Variants in TMEM14B observed in about 807,000 individuals in gnomAD.
TMEM14B encodes transmembrane protein 14B.
In TMEM14B, 9 loss-of-function variants were observed where a neutral mutation model predicts 14.8. The observed-to-expected ratio is 0.61, with a 90% CI of 0.37 to 1.06. The LOEUF is 1.06. Ranked by LOEUF, TMEM14B falls within the 50% of genes least tolerant of loss-of-function variation. The pLI, the probability that TMEM14B is intolerant of heterozygous loss-of-function variation, is 0.01. For missense variants in TMEM14B, 128 were observed against 143.6 expected (o/e 0.89, Z 0.56); for synonymous variants, 40 against 51.3 (o/e 0.78, Z 0.94).
intron 4 of TMEM14B, among the ~76,000 whole-genome samples, chr6:10,752,267 C>T (rs1771609940): frequency 6.6e-6 from 1 of 151,960 alleles, no homozygotes; most frequent in African/African-American, 2.4e-5. Context: ...CTCCAAGCCT[C>T]CCCTCGTCCT....
intron 3 of TMEM14B, among the ~76,000 whole-genome samples, chr6:10,750,251 C>T (rs1468138469): frequency 6.6e-6 from 1 of 151,780 alleles, no homozygotes; most frequent in Non-Finnish European, 1.5e-5. Flanking sequence ...ACAATTCCAG[C>T]CCTTCATGGT....
At position 10,755,191 on chromosome 6, in the gene TMEM14B, C is replaced by G; in HGVS notation, c.252C>G (p.Tyr84Ter). The G allele has an allele frequency of 6.2e-7, 1 of 1,614,022 alleles. No individual in the cohort carries two copies. Among genetic ancestry groups the G allele is most frequent in the Non-Finnish European group, 8.5e-7 (1 of 1,180,022 alleles). ...FVGVMGMRSY[Y>*]YGKFMPVGLI... Reference sequence around the variant, plus strand: ...GTGTTATGGGAATGAGATCCTACTACTATGGAAAATTCATGCCTGTAGGTT... The same window carrying G: ...GTGTTATGGGAATGAGATCCTACTAGTATGGAAAATTCATGCCTGTAGGTT... Residue 84 changes from tyrosine to a stop codon, truncating the protein, a stop_gained, in exon 5 of 6, where the codon TAC (tyrosine) becomes TAG (stop). Coordinates refer to ENST00000379542, the MANE Select transcript of TMEM14B (RefSeq NM_030969.5). LOFTEE classifies it high-confidence loss of function.
chr6:10,751,198 C>T lies in TMEM14B; in HGVS notation c.166C>T (p.Leu56=). 6.2e-7 allele frequency: 1 copy of T among 1,613,982 alleles called. No individual in the cohort carries two copies. The highest frequency in any genetic ancestry group is 8.5e-7 in the Non-Finnish European group (1 of 1,180,006). ...TCTAGCCGGCCTGGGTGCTTACCAGCTGTATCAGGATCCAAGGAACGTTTG... is the reference window on the plus strand; with the variant it reads ...TCTAGCCGGCCTGGGTGCTTACCAGTTGTATCAGGATCCAAGGAACGTTTG... ...GSLAGLGAYQ[L]YQDPRNVWGF... is the part of the protein sequence containing the mutation. Residue 56 remains leucine, a synonymous_variant, in exon 4 of 6, where the codon CTG becomes TTG. Transcript: ENST00000379542.
At position 10,756,645 on chromosome 6, in the gene TMEM14B, A is replaced by G. The variant is rs1771814237; in HGVS notation, c.*127A>G. On this transcript the variant is annotated 3_prime_UTR_variant, in exon 6 of 6. Coordinates refer to ENST00000379542, the MANE Select transcript of TMEM14B (RefSeq NM_030969.5). The stretch of plus-strand genomic sequence containing the variant: ...ACATTTTACCTAAAAAAAAAAAGAC[A>G]CCAAATTTGGCGGAGGGGTGGAAAA... The G allele has an allele frequency of 7.0e-7, 1 of 1,423,906 alleles. No individual in the cohort carries two copies. The highest frequency in any genetic ancestry group is 2.9e-5 in the Admixed American group (1 of 34,314). The allele number at this position is 1,423,906 out of a possible 1,614,324, so 88.2% of individuals were successfully genotyped here. A position where few individuals can be genotyped will look rare whatever the true frequency, so the allele number is the denominator to read the frequency against.
chr6:10,749,410 A>G lies in TMEM14B; in HGVS notation c.23+142A>G, dbSNP rs990526411. On this transcript the variant is annotated intron_variant, in intron 2 of 5. Transcript: ENST00000379542. ...GGATCACTGGACCTGTGGGCCAGAA[A>G]CTTGGGTTTGAGTCCCAGCTCTAGC... The G allele has an allele frequency of 1.4e-4, 177 of 1,242,424 alleles. 1 individual carries two copies. Among genetic ancestry groups the G allele is most frequent in the Non-Finnish European group, 2.0e-4 (171 of 862,992 alleles). 77.0% of individuals were successfully genotyped at this position (1,242,424 alleles called of 1,614,324 possible). A position where few individuals can be genotyped will look rare whatever the true frequency, so the allele number is the denominator to read the frequency against.
In TMEM14B at chr6:10,749,591, G is replaced by A. The variant is rs753791011; in HGVS notation, c.24-31G>A. 1.1e-5 allele frequency: 17 copies of A among 1,612,580 alleles called. No homozygotes were observed. The African/African-American group carries it at 2.0e-4, about 19-fold the overall frequency. On this transcript the variant is annotated intron_variant, in intron 2 of 5. Transcript: ENST00000379542. ...TTGTTTTTAAATCCAGGTTAGCACT[G>A]ACTTCTCACTGACTTCTCTTGTGTT... is the stretch of plus-strand genomic sequence containing the variant.
At chr6:10,759,342 G>C (rs909261459), downstream of TMEM14B, 2 of 152,142 alleles carry the variant, frequency 1.3e-5, no homozygotes, top group African/African-American at 4.8e-5. Flanking sequence ...GCTCATGCTT[G>C]TAATCCCAAC....
At position 10,749,647 on chromosome 6, in the gene TMEM14B, G is replaced by A. The variant is rs1771470361; in HGVS notation, c.49G>A (p.Gly17Ser). ...AGTGCCTTTGCATTGGTTTGGCTTT[G>A]GCTACACAGCACTGGTTGTTTCTGG... is the stretch of plus-strand genomic sequence containing the variant. ...PLVPLHWFGF[G>S]YTALVVSGGI... The change falls in exon 3 of 6, where the codon GGC (glycine) becomes AGC (serine). Residue 17 changes from glycine to serine, a missense_variant. Gly to Ser is a moderately conservative substitution (Grantham distance 56, BLOSUM62 0). Coordinates refer to ENST00000379542, the MANE Select transcript of TMEM14B (RefSeq NM_030969.5). The A allele has an allele frequency of 3.7e-6, 6 of 1,614,208 alleles. No homozygotes were observed. Among genetic ancestry groups the A allele is most frequent in the Non-Finnish European group, 5.1e-6 (6 of 1,180,038 alleles).
intron 4 of TMEM14B, among the ~76,000 whole-genome samples, chr6:10,754,670 G>T (rs1771738007): frequency 6.6e-6 from 1 of 152,216 alleles, no homozygotes; most frequent in Admixed American, 6.5e-5. Context: ...TGTCCCATCA[G>T]ACCTGAAGCA....
intron 3 of TMEM14B, among the ~76,000 whole-genome samples, chr6:10,750,843 A>G (rs1002964038): frequency 4.6e-5 from 7 of 152,026 alleles, no homozygotes; most frequent in African/African-American, 1.5e-4. Flanking sequence ...TAGGCATTAC[A>G]AAAGAAGGCC....
intron 3 of TMEM14B, chr6:10,749,940 G>A: frequency 1.8e-6 from 1 of 565,132 alleles, no homozygotes; most frequent in Non-Finnish European, 3.2e-6. Flanking sequence ...GGTAGGCAGG[G>A]GTGGTTGTAG....
At chr6:10,749,791 C>A in intron 3 of TMEM14B, 93 bp downstream of exon 3, 2 of 1,484,712 alleles carry the variant, frequency 1.3e-6, no homozygotes, top group South Asian at 2.3e-5. Flanking sequence ...TCTCGTTTGA[C>A]TCAGCTTTGC....
intron 5 of TMEM14B, chr6:10,755,488 T>C (rs78869426): frequency 9.8e-6 from 14 of 1,421,712 alleles, no homozygotes; most frequent in Non-Finnish European, 1.3e-5. Flanking sequence ...AGAAGTTTTA[T>C]TGCAAAGCTA....
chr6:10,758,632 G>A (rs77007799), downstream of TMEM14B, among the ~76,000 whole-genome samples: 4,423 of 151,550 alleles, frequency 0.029, 67 homozygotes, highest in Middle Eastern at 0.068. Flanking sequence ...ATAAGTGTAT[G>A]ATGGAGGTAG....
intron 5 of TMEM14B, chr6:10,755,656 TA>T: frequency 9.0e-7 from 1 of 1,110,998 alleles, no homozygotes; most frequent in Non-Finnish European, 1.1e-6. Context: ...TTGTGGTTTT[TA>T]AAAAATGTAG....
At chr6:10,757,079 T>G (rs1771833755), downstream of TMEM14B, 1 of 820,024 alleles carries the variant, frequency 1.2e-6, no homozygotes, top group Non-Finnish European at 1.5e-6. Flanking sequence ...TATTTAGAAA[T>G]TACCTATTTT....
At chr6:10,749,930 G>A (rs1771482807) in intron 3 of TMEM14B, 1 of 579,606 alleles carries the variant, frequency 1.7e-6, no homozygotes, top group African/African-American at 1.9e-5. Context: ...TTTATCTAAA[G>A]GTAGGCAGGG....
chr6:10,755,255 C>G (rs771835997), intron 5 of TMEM14B, 23 bp downstream of exon 5: 2 of 1,613,902 alleles, frequency 1.2e-6, no homozygotes, highest in African/African-American at 2.7e-5. Context: ...TATTACTCTT[C>G]TTTACCATGT....
intron 2 of TMEM14B, 107 bp downstream of exon 2, chr6:10,749,375 C>T (rs115200994): frequency 8.5e-6 from 12 of 1,410,826 alleles, no homozygotes; most frequent in South Asian, 7.1e-5. Flanking sequence ...GGATGGCGTG[C>T]GGGATGGGAG....
Sources: gnomAD v4.1 joint callset for allele counts (sites outside exome capture counted in the v4.1 genomes callset) on GRCh38, gnomAD v4.1.1 for gene constraint, MANE v1.5 for transcripts, NCBI Gene and HGNC (gene_info 2026-07-23, HGNC 2026-07-21) for gene names.